Variants in TSPAN1 observed in about 807,000 individuals in gnomAD.
TSPAN1 encodes the protein tetraspanin 1.
Under a neutral mutation model 26.9 loss-of-function variants are expected in TSPAN1, and 23 were observed. That is an observed-to-expected ratio of 0.85 (90% CI 0.62 to 1.21). The LOEUF (loss-of-function observed/expected upper bound fraction) is 1.21, where lower values mean the gene tolerates loss of function less well. Among genes scored for constraint, TSPAN1 ranks in the 50% most tolerant of loss-of-function variants. The probability of loss-of-function intolerance (pLI) is 0.00; values close to 1 mark genes in which losing one functional copy is unlikely to be tolerated. For missense variants in TSPAN1, 283 were observed against 298.4 expected (o/e 0.95, Z 0.38); for synonymous variants, 115 against 114.8 (o/e 1.00, Z -0.01).
At chr1:46,183,927 G>A (rs1657367197) in intron 3 of TSPAN1, 1 of 535,460 alleles carries the variant, frequency 1.9e-6, no homozygotes, top group Non-Finnish European at 3.4e-6. Flanking sequence ...GGAAAGTCTT[G>A]CCCCTCTGCC....
downstream of TSPAN1, chr1:46,189,226 TG>T: frequency 2.5e-6 from 4 of 1,586,286 alleles, no homozygotes; most frequent in Non-Finnish European, 3.4e-6. Flanking sequence ...CTAGCCAGCC[TG>T]GGGGTACACA....
the TSPAN1 span, chr1:46,192,052 T>C: frequency 1.3e-6 from 2 of 1,584,764 alleles, no homozygotes; most frequent in Admixed American, 3.4e-5. Context: ...GTTCTTGTTC[T>C]TGACTGTCAT....
At chr1:46,189,253 G>A (rs1456713621), downstream of TSPAN1, 6 of 1,610,344 alleles carry the variant, frequency 3.7e-6, no homozygotes, top group Non-Finnish European at 5.1e-6. Context: ...CAGCCCCGCA[G>A]GGTCCTGGAG....
the TSPAN1 span, chr1:46,192,302 AG>A: frequency 6.2e-7 from 1 of 1,614,156 alleles, no homozygotes; most frequent in Non-Finnish European, 8.5e-7. Flanking sequence ...CTACCCTGAC[AG>A]TTACCTTTTC....
the TSPAN1 span, chr1:46,191,296 CT>C: frequency 4.7e-6 from 1 of 211,352 alleles, no homozygotes; most frequent in Non-Finnish European, 9.6e-6. Context: ...CTATTCATTC[CT>C]TTGGGCTGGG....
chr1:46,191,289 T>C, the TSPAN1 span: 1 of 220,570 alleles, frequency 4.5e-6, no homozygotes, highest in Admixed American at 5.2e-5. Flanking sequence ...CTGGACGCTA[T>C]TCATTCCTTT....
chr1:46,180,116 A>C (rs1384420891), intron 1 of TSPAN1, among the ~76,000 whole-genome samples: 1 of 152,220 alleles, frequency 6.6e-6, no homozygotes, highest in South Asian at 2.1e-4. Context: ...ACGCACACAC[A>C]CACATGCATT....
At chr1:46,175,701 A>G in intron 1 of TSPAN1, 1 of 399,756 alleles carries the variant, frequency 2.5e-6, no homozygotes, top group South Asian at 1.3e-4. Flanking sequence ...TCTTGGATTC[A>G]GCCCCTCCCC....
At chr1:46,193,360 C>G in the TSPAN1 span, 2 of 1,613,252 alleles carry the variant, frequency 1.2e-6, no homozygotes, top group Admixed American at 3.3e-5. Flanking sequence ...GCCCCTCAGA[C>G]CAAACAGTGC....
At position 46,184,579 on chromosome 1, in the gene TSPAN1, C is replaced by T; in HGVS notation, c.265-15C>T. ...CTGTCTCTCCCTAAAACCCAGACCC[C>T]TGTTCCCCACTCAGTTCTTCTTCAT... On this transcript the variant is annotated splice_polypyrimidine_tract_variant and intron_variant, in intron 4 of 8. Transcript: ENST00000372003. The T allele has an allele frequency of 6.2e-7, 1 of 1,614,060 alleles. No homozygotes were observed. The highest frequency in any genetic ancestry group is 8.5e-7 in the Non-Finnish European group (1 of 1,179,992).
At chr1:46,191,989 C>T in the TSPAN1 span, 2 of 1,460,406 alleles carry the variant, frequency 1.4e-6, no homozygotes, top group Middle Eastern at 1.7e-4. Flanking sequence ...TAGCTCTTTC[C>T]CCAAGGTTAC....
the TSPAN1 span, chr1:46,192,423 G>A: frequency 1.4e-3 from 2,263 of 1,614,156 alleles, 22 homozygotes; most frequent in Admixed American, 0.012. Flanking sequence ...GTCCTCAGCC[G>A]TGTGTTCATA....
At position 46,185,046 on chromosome 1, in the gene TSPAN1, C is replaced by T; in HGVS notation, c.525C>T (p.Cys175=). The change falls in exon 7 of 9, where the codon TGC becomes TGT. Residue 175 remains cysteine (C), a synonymous_variant. Coordinates refer to ENST00000372003, the MANE Select transcript of TSPAN1 (RefSeq NM_005727.4). ...KENSAFPPFC[C]NDNVTNTANE... is the part of the protein sequence containing the mutation. Reference sequence around the variant, plus strand: ...ACAGTGCCTTTCCCCCATTCTGTTGCAATGACAACGTCACCAACACAGCCA... The same window carrying T: ...ACAGTGCCTTTCCCCCATTCTGTTGTAATGACAACGTCACCAACACAGCCA... 1.2e-6 allele frequency: 2 copies of T among 1,614,176 alleles called. No individual in the cohort carries two copies.
At chr1:46,195,629 A>T in the TSPAN1 span, 2 of 689,332 alleles carry the variant, frequency 2.9e-6, no homozygotes, top group Non-Finnish European at 5.2e-6. Flanking sequence ...AGTACCTGGC[A>T]TACAGCTGTT....
downstream of TSPAN1, chr1:46,186,100 A>C: frequency 6.3e-6 from 1 of 159,306 alleles, no homozygotes; most frequent in Non-Finnish European, 1.4e-5. Flanking sequence ...TCTCCCCTTC[A>C]TTTGGGTTCC....
intron 1 of TSPAN1, 119 bp downstream of exon 1, chr1:46,175,528 C>T (rs1246584771): frequency 1.3e-5 from 5 of 398,834 alleles, no homozygotes; most frequent in Admixed American, 8.8e-5. Context: ...ACCCACACGG[C>T]CCCTAGGAGA....
At chr1:46,181,283 C>G in intron 3 of TSPAN1, 119 bp downstream of exon 3, 3 of 980,570 alleles carry the variant, frequency 3.1e-6, no homozygotes, top group Non-Finnish European at 4.6e-6. Context: ...GCATGTGTCC[C>G]CTTATGAGTG....
At chr1:46,186,507 T>TGG (rs1557666461), downstream of TSPAN1, among the ~76,000 whole-genome samples, 11 of 148,774 alleles carry the variant, frequency 7.4e-5, no homozygotes, top group African/African-American at 2.7e-4. Flanking sequence ...TTTTTTTTTT[T>TGG]GGGACAGAGT....
intron 1 of TSPAN1, chr1:46,176,156 T>G (rs541526036): frequency 1.1e-5 from 16 of 1,506,380 alleles, no homozygotes; most frequent in Admixed American, 2.0e-5. Context: ...ATTACAGGCA[T>G]GAGCCACCGC....
Sources: gnomAD v4.1 joint callset for allele counts (sites outside exome capture counted in the v4.1 genomes callset) on GRCh38, gnomAD v4.1.1 for gene constraint, MANE v1.5 for transcripts, NCBI Gene and HGNC (gene_info 2026-07-23, HGNC 2026-07-21) for gene names.